DAB1: variants seen among roughly 807,000 people sequenced by gnomAD.
DAB1 encodes DAB adaptor protein 1.
DAB1 carries 15 observed loss-of-function variants against 64.6 expected under a neutral mutation model. The ratio of observed to expected loss-of-function variants is 0.23; its 90% confidence interval spans 0.16 to 0.36. The LOEUF (loss-of-function observed/expected upper bound fraction) is 0.36, where lower values mean the gene tolerates loss of function less well. Ranked by LOEUF, DAB1 falls within the 10% of genes least tolerant of loss-of-function variation. The pLI is 1.00. For synonymous variants in DAB1, 235 were observed against 251.9 expected (o/e 0.93, Z 0.64); for missense variants, 596 against 706.7 (o/e 0.84, Z 1.78).
chr1:58,039,602 C>T (rs535428610), intron 5 of DAB1, among the ~76,000 whole-genome samples: 22 of 152,134 alleles, frequency 1.4e-4, no homozygotes, highest in Non-Finnish European at 2.9e-4. Context: ...CTGTTCCATC[C>T]CCCGTCCCCC....
chr1:58,008,664 T>C (rs907939227), intron 5 of DAB1, among the ~76,000 whole-genome samples: 159 of 152,272 alleles, frequency 1.0e-3, no homozygotes, highest in African/African-American at 3.7e-3. Flanking sequence ...TGATGCTACA[T>C]AAAGCATCTT....
chr1:57,409,577 G>A (rs1017777840), intron 1 of DAB1, among the ~76,000 whole-genome samples: 3 of 152,178 alleles, frequency 2.0e-5, no homozygotes, highest in Non-Finnish European at 4.4e-5. Flanking sequence ...TTGGGAGGCC[G>A]AGGTGGGCGG....
intron 2 of DAB1, among the ~76,000 whole-genome samples, chr1:57,163,260 G>A (rs1285669776): frequency 1.3e-5 from 2 of 152,198 alleles, no homozygotes; most frequent in African/African-American, 4.8e-5. Flanking sequence ...ATAGTCTGAT[G>A]AAACAAGGAG....
At chr1:57,502,359 C>T (rs1370929083) in intron 7 of DAB1, among the ~76,000 whole-genome samples, 2 of 150,120 alleles carry the variant, frequency 1.3e-5, no homozygotes, top group Non-Finnish European at 1.5e-5. Flanking sequence ...AAGAAACCCA[C>T]TATAGTAGGA....
At chr1:57,233,364 G>A (rs539692421) in intron 2 of DAB1, among the ~76,000 whole-genome samples, 4 of 140,092 alleles carry the variant, frequency 2.9e-5, no homozygotes, top group South Asian at 4.8e-4. Flanking sequence ...CCGGGTTCAC[G>A]CCATTCTCCT....
chr1:58,185,090 A>G (rs925988727), intron 4 of DAB1, among the ~76,000 whole-genome samples: 4 of 152,096 alleles, frequency 2.6e-5, no homozygotes, highest in African/African-American at 9.7e-5. Context: ...AAAACAAAAA[A>G]CTCAGTTATC....
chr1:58,093,911 T>A (rs2806407), intron 5 of DAB1, among the ~76,000 whole-genome samples: 1 of 152,152 alleles, frequency 6.6e-6, no homozygotes, highest in Admixed American at 6.5e-5. Flanking sequence ...GCCCTTTGCT[T>A]GCTCTGCTCT....
At chr1:58,037,898 T>C (rs992824523) in intron 5 of DAB1, among the ~76,000 whole-genome samples, 1 of 152,170 alleles carries the variant, frequency 6.6e-6, no homozygotes, top group African/African-American at 2.4e-5. Context: ...TGACTTGGGA[T>C]GGTTTTTAAG....
intron 5 of DAB1, among the ~76,000 whole-genome samples, chr1:57,893,999 A>G (rs1644355537): frequency 6.6e-6 from 1 of 152,082 alleles, no homozygotes; most frequent in Non-Finnish European, 1.5e-5. Flanking sequence ...GCATGCATAC[A>G]ACTCAGTAAA....
At chr1:57,915,901 T>C (rs144467763) in intron 5 of DAB1, among the ~76,000 whole-genome samples, 1 of 152,106 alleles carries the variant, frequency 6.6e-6, no homozygotes, top group Non-Finnish European at 1.5e-5. Context: ...AACAGCATGA[T>C]GGTACTCTGT....
At chr1:58,300,542 T>TGAAAAGAAA (rs1662099050) in intron 4 of DAB1, among the ~76,000 whole-genome samples, 1 of 99,968 alleles carries the variant, frequency 1.0e-5, no homozygotes, top group South Asian at 3.0e-4. Context: ...AGTGAAACTC[T>TGAAAAGAAA]GAAAAGAAAG....
chr1:57,607,865 T>A (rs931852466), intron 7 of DAB1, among the ~76,000 whole-genome samples: 3 of 152,144 alleles, frequency 2.0e-5, no homozygotes, highest in Admixed American at 2.0e-4. Flanking sequence ...GATTAAACAG[T>A]CCAGTAATGA....
At position 57,499,802 on chromosome 1, in the gene DAB1, G is replaced by A. The variant is rs368707138; in HGVS notation, n.625+149790C>T. Among the ~76,000 whole-genome samples, 53 of 152,160 alleles carry A rather than the reference G, an allele frequency of 3.5e-4. 1 individual carries two copies. In the East Asian group the frequency reaches 4.8e-3, roughly 14 times the overall value. On this transcript the variant is annotated intron_variant and non_coding_transcript_variant, in intron 7 of 20. Transcript: ENST00000485760. ...ATTCTTAATTCAAGTCCTTTTCCAGGTGCAATTTTGAATTTGTTATGCTTA... is the reference window on the plus strand; with the variant it reads ...ATTCTTAATTCAAGTCCTTTTCCAGATGCAATTTTGAATTTGTTATGCTTA...
At chr1:58,100,449 T>C (rs537141057) in intron 5 of DAB1, among the ~76,000 whole-genome samples, 2 of 152,340 alleles carry the variant, frequency 1.3e-5, no homozygotes, top group Admixed American at 6.5e-5. Flanking sequence ...TACATTTTGT[T>C]TATTCATTCA....
At chr1:58,302,479 A>G (rs1001661315) in intron 4 of DAB1, among the ~76,000 whole-genome samples, 2 of 152,108 alleles carry the variant, frequency 1.3e-5, no homozygotes, top group Non-Finnish European at 2.9e-5. Flanking sequence ...TTTTCTTTCC[A>G]TGGGTGGAAA....
intron 3 of DAB1, among the ~76,000 whole-genome samples, chr1:58,356,821 G>A (rs904939727): frequency 2.0e-5 from 3 of 152,162 alleles, no homozygotes; most frequent in African/African-American, 7.2e-5. Context: ...AGGAGTTCAA[G>A]ACCAGTATGG....
At chr1:58,470,003 A>G (rs2100327972) in intron 3 of DAB1, among the ~76,000 whole-genome samples, 1 of 152,076 alleles carries the variant, frequency 6.6e-6, no homozygotes, top group African/African-American at 2.4e-5. Flanking sequence ...GTGTACAATC[A>G]TCTCATTTAC....
intron 3 of DAB1, among the ~76,000 whole-genome samples, chr1:58,422,433 A>G (rs1458687833): frequency 1.3e-5 from 2 of 151,984 alleles, no homozygotes; most frequent in Non-Finnish European, 2.9e-5. Context: ...TTGAGTGCTG[A>G]GGACAAGTTC....
chr1:57,971,605 G>C (rs1570121784), intron 5 of DAB1, among the ~76,000 whole-genome samples: 2 of 152,300 alleles, frequency 1.3e-5, no homozygotes, highest in Admixed American at 6.5e-5. Flanking sequence ...TCTATCACAG[G>C]AGTTTTGGGG....
Sources: gnomAD v4.1 joint callset for allele counts (sites outside exome capture counted in the v4.1 genomes callset) on GRCh38, gnomAD v4.1.1 for gene constraint, MANE v1.5 for transcripts, NCBI Gene and HGNC (gene_info 2026-07-23, HGNC 2026-07-21) for gene names.